MACROD2: variants seen among roughly 807,000 people sequenced by gnomAD.
The protein encoded by MACROD2 is mono-ADP ribosylhydrolase 2.
MACROD2 carries 36 observed loss-of-function variants against 70.4 expected under a neutral mutation model. That is an observed-to-expected ratio of 0.51 (90% CI 0.39 to 0.68). MACROD2 has a LOEUF of 0.68. MACROD2 is among the 30% of genes least tolerant of loss of function. The pLI is 0.00. For missense variants in MACROD2, 496 were observed against 538.4 expected (o/e 0.92, Z 0.78); for synonymous variants, 172 against 178.8 (o/e 0.96, Z 0.30).
At chr20:15,681,804 A>T (rs745754315) in intron 8 of MACROD2, among the ~76,000 whole-genome samples, 2 of 152,234 alleles carry the variant, frequency 1.3e-5, no homozygotes, top group Non-Finnish European at 2.9e-5. Flanking sequence ...ATGGAATAAA[A>T]ATGGAGTTAC....
At chr20:14,205,343 A>C (rs1397353437) in intron 3 of MACROD2, among the ~76,000 whole-genome samples, 1 of 152,218 alleles carries the variant, frequency 6.6e-6, no homozygotes, top group African/African-American at 2.4e-5. Context: ...TGGACATTGA[A>C]GAATGAGTGG....
At chr20:15,879,371 T>C (rs987244402) in intron 9 of MACROD2, among the ~76,000 whole-genome samples, 56 of 151,858 alleles carry the variant, frequency 3.7e-4, no homozygotes, top group African/African-American at 1.3e-3. Context: ...AGAAAAATTC[T>C]TGCTAGCAAT....
At chr20:15,779,741 T>G (rs1254352283) in intron 8 of MACROD2, among the ~76,000 whole-genome samples, 1 of 152,136 alleles carries the variant, frequency 6.6e-6, no homozygotes, top group East Asian at 1.9e-4. Flanking sequence ...AGACTTACCT[T>G]TCTGCCAGGG....
At chr20:15,293,655 A>G (rs758454523) in intron 6 of MACROD2, among the ~76,000 whole-genome samples, 1 of 152,208 alleles carries the variant, frequency 6.6e-6, no homozygotes, top group Non-Finnish European at 1.5e-5. Flanking sequence ...GGGAATAGGG[A>G]GCAGGTATCC....
intron 3 of MACROD2, among the ~76,000 whole-genome samples, chr20:14,163,453 T>C (rs932078912): frequency 1.3e-5 from 2 of 152,208 alleles, no homozygotes; most frequent in East Asian, 1.9e-4. Context: ...TTGTATCTGT[T>C]TGGGGATCTG....
chr20:14,217,666 A>C (rs1249609934), intron 3 of MACROD2, among the ~76,000 whole-genome samples: 1 of 152,070 alleles, frequency 6.6e-6, no homozygotes, highest in Non-Finnish European at 1.5e-5. Flanking sequence ...TAATTTTTAA[A>C]TTACCATTTC....
chr20:15,810,025 C>T (rs552917649), intron 8 of MACROD2, among the ~76,000 whole-genome samples: 1 of 136,822 alleles, frequency 7.3e-6, no homozygotes, highest in East Asian at 2.4e-4. Flanking sequence ...TCCCCCCACC[C>T]CACAACAGTG....
At chr20:14,065,167 T>G (rs2053741033) in intron 2 of MACROD2, among the ~76,000 whole-genome samples, 2 of 152,288 alleles carry the variant, frequency 1.3e-5, no homozygotes, top group South Asian at 4.1e-4. Context: ...AGCTATAGAC[T>G]TCCATTCCTG....
intron 3 of MACROD2, among the ~76,000 whole-genome samples, chr20:14,403,454 T>C (rs1022276173): frequency 6.6e-6 from 1 of 152,180 alleles, no homozygotes; most frequent in Non-Finnish European, 1.5e-5. Flanking sequence ...CCAAAGTATA[T>C]AAATGTGAAA....
chr20:14,939,807 T>C (rs568473232), intron 5 of MACROD2, among the ~76,000 whole-genome samples: 1 of 152,200 alleles, frequency 6.6e-6, no homozygotes, highest in South Asian at 2.1e-4. Context: ...TTTCTTTGTA[T>C]AGATCTTTCA....
At chr20:15,467,587 A>C (rs1020053131) in intron 7 of MACROD2, among the ~76,000 whole-genome samples, 2 of 151,968 alleles carry the variant, frequency 1.3e-5, no homozygotes, top group Admixed American at 1.3e-4. Context: ...TCTTATTCCA[A>C]ATCTCCTTTT....
intron 5 of MACROD2, among the ~76,000 whole-genome samples, chr20:15,076,084 A>G (rs369664004): frequency 0.015 from 2,252 of 146,876 alleles, 52 homozygotes; most frequent in African/African-American, 0.058. Context: ...TCAAACATTT[A>G]TTATGTGTGT....
At chr20:14,768,172 T>C (rs2072116746) in intron 5 of MACROD2, among the ~76,000 whole-genome samples, 1 of 152,094 alleles carries the variant, frequency 6.6e-6, no homozygotes, top group African/African-American at 2.4e-5. Flanking sequence ...GATGGCTGGG[T>C]CAAATGGTAT....
Position 15,119,436 on chromosome 20 carries a change from G to A in MACROD2, c.419-110504G>A, listed in dbSNP as rs74586590. 7.9e-3 allele frequency among the ~76,000 whole-genome samples: 1,210 copies of A among 152,310 alleles called. 21 individuals are homozygous for A. Among genetic ancestry groups the A allele is most frequent in the African/African-American group, 0.028 (1,152 of 41,568 alleles). ...GTTGTACAGAGGTGCAAACAGGGCT[G>A]TGATTTTAGACATAGTAGTGTCAAT... is the stretch of plus-strand genomic sequence containing the variant. On this transcript the variant is annotated intron_variant, in intron 5 of 17. Coordinates refer to ENST00000684519, the MANE Select transcript of MACROD2 (RefSeq NM_001351661.2).
intron 3 of MACROD2, among the ~76,000 whole-genome samples, chr20:14,450,448 T>C (rs1469033715): frequency 6.6e-6 from 1 of 152,116 alleles, no homozygotes; most frequent in Non-Finnish European, 1.5e-5. Flanking sequence ...GCTTATCACC[T>C]CACAGCTCAC....
chr20:15,008,297 A>G (rs2122924673), intron 5 of MACROD2, among the ~76,000 whole-genome samples: 1 of 152,282 alleles, frequency 6.6e-6, no homozygotes, highest in East Asian at 1.9e-4. Flanking sequence ...CTTAGGCAAC[A>G]TAGGGAGACT....
intron 2 of MACROD2, among the ~76,000 whole-genome samples, chr20:14,020,680 G>T (rs1423439114): frequency 6.6e-6 from 1 of 152,106 alleles, no homozygotes; most frequent in Non-Finnish European, 1.5e-5. Context: ...TTGAGTACTT[G>T]TTGAAGGCTG....
chr20:15,338,226 C>T (rs1012802778), intron 6 of MACROD2, among the ~76,000 whole-genome samples: 5 of 151,604 alleles, frequency 3.3e-5, no homozygotes, highest in Non-Finnish European at 5.9e-5. Context: ...TTCTACCCAT[C>T]GTGACTTATG....
intron 5 of MACROD2, among the ~76,000 whole-genome samples, chr20:14,925,666 T>G (rs2074221705): frequency 6.6e-6 from 1 of 152,210 alleles, no homozygotes; most frequent in African/African-American, 2.4e-5. Flanking sequence ...TTCAGATATT[T>G]GTGATTTGTA....
Sources: gnomAD v4.1 joint callset for allele counts (sites outside exome capture counted in the v4.1 genomes callset) on GRCh38, gnomAD v4.1.1 for gene constraint, MANE v1.5 for transcripts, NCBI Gene and HGNC (gene_info 2026-07-23, HGNC 2026-07-21) for gene names.